HOPX: variants seen among roughly 807,000 people sequenced by gnomAD.
The protein encoded by HOPX is homeodomain-only protein.
A neutral mutation model predicts 11.8 loss-of-function variants in HOPX; 5 were observed. That is an observed-to-expected ratio of 0.43 (90% CI 0.22 to 0.89). The LOEUF is 0.89. HOPX is among the 40% of genes least tolerant of loss of function. HOPX has a pLI of 0.28. For missense variants in HOPX, 119 were observed against 120.0 expected (o/e 0.99, Z 0.04); for synonymous variants, 49 against 49.7 (o/e 0.99, Z 0.06).
rs1472011299 is a variant in HOPX at position 56,658,013 on chromosome 4, G to A, written c.-83-114C>T. On this transcript the variant is annotated intron_variant, in intron 1 of 3. Transcript: ENST00000420433. ...ACCAATTCTAGCCAAAGTTGCCCAC[G>A]GGAACCACCCACCACTGCTTGCTTC... 9 of 882,740 alleles carry A rather than the reference G, an allele frequency of 1.0e-5. 1 individual carries two copies. Among genetic ancestry groups the A allele is most frequent in the South Asian group, 7.8e-5 (4 of 51,222 alleles). 54.7% of individuals were successfully genotyped at this position (882,740 alleles called of 1,614,324 possible).
intron 3 of HOPX, chr4:56,650,579 G>T: frequency 2.3e-6 from 3 of 1,290,508 alleles, no homozygotes; most frequent in Non-Finnish European, 3.2e-6. Flanking sequence ...CCACATCAAT[G>T]CTAAGCAGGC....
chr4:56,661,402 C>T (rs1381550834), intron 1 of HOPX, among the ~76,000 whole-genome samples: 1 of 152,106 alleles, frequency 6.6e-6, no homozygotes, highest in Non-Finnish European at 1.5e-5. Context: ...TTGAACATTG[C>T]CTCTCTGAAC....
At chr4:56,656,080 C>A in intron 2 of HOPX, 68 bp from the exon 3 acceptor site, 2 of 1,379,764 alleles carry the variant, frequency 1.4e-6, no homozygotes, top group Admixed American at 3.5e-5. Context: ...CGAAGGAAGG[C>A]GGTCGCGGCG....
chr4:56,657,980 A>T, intron 1 of HOPX, 81 bp from the exon 2 acceptor site: 1 of 1,313,954 alleles, frequency 7.6e-7, no homozygotes, highest in Non-Finnish European at 1.0e-6. Context: ...AGACTGTCCT[A>T]GTAGGACACC....
chr4:56,656,215 G>A, intron 2 of HOPX: 1 of 1,131,970 alleles, frequency 8.8e-7, no homozygotes, highest in Non-Finnish European at 1.1e-6. Context: ...TCCCTGGACT[G>A]AGCGCTGTTG....
chr4:56,656,276 C>G, intron 2 of HOPX: 1 of 1,162,186 alleles, frequency 8.6e-7, no homozygotes, highest in Non-Finnish European at 1.1e-6. Flanking sequence ...CCCCCGGGAC[C>G]CCTTGCAGGA....
chr4:56,650,486 T>C, intron 3 of HOPX: 1 of 560,768 alleles, frequency 1.8e-6, no homozygotes, highest in Non-Finnish European at 3.1e-6. Flanking sequence ...AGTGTGAGAA[T>C]CACAGGGGGA....
intron 1 of HOPX, among the ~76,000 whole-genome samples, chr4:56,677,722 G>C (rs921632872): frequency 6.6e-6 from 1 of 151,516 alleles, no homozygotes; most frequent in Non-Finnish European, 1.5e-5. Context: ...CTGAGGGAGA[G>C]CTAAGGAGCC....
At chr4:56,656,162 A>G (rs2109482400) in intron 2 of HOPX, 150 bp from the exon 3 acceptor site, 1 of 1,139,480 alleles carries the variant, frequency 8.8e-7, no homozygotes, top group South Asian at 2.6e-5. Flanking sequence ...CGGTGGCTGC[A>G]CGCTGAGCGG....
At chr4:56,681,552 A>T (rs2109568326), upstream of HOPX, 1 of 1,000,190 alleles carries the variant, frequency 1.0e-6, no homozygotes. Flanking sequence ...CCTCTCTCCT[A>T]GCCAAGCAAG....
chr4:56,671,079 T>C (rs2109538965), intron 1 of HOPX, among the ~76,000 whole-genome samples: 1 of 152,146 alleles, frequency 6.6e-6, no homozygotes, highest in South Asian at 2.1e-4. Flanking sequence ...CTTTAGAACA[T>C]TAAAATGTTC....
At position 56,657,937 on chromosome 4, in the gene HOPX, A is replaced by G. The variant is rs1717869657; in HGVS notation, c.-83-38T>C. ...ATCAGGAGGGCAGTAGTCATAATGC[A>G]GGCAGGAGCTCATTGCCATTTTGAA... is the stretch of plus-strand genomic sequence containing the variant. On this transcript the variant is annotated intron_variant, in intron 1 of 3. Coordinates refer to ENST00000420433, the MANE Select transcript of HOPX (RefSeq NM_032495.6). 8.5e-6 allele frequency: 13 copies of G among 1,536,914 alleles called. No individual in the cohort carries two copies. The South Asian group carries it at 1.4e-4, about 17-fold the overall frequency.
chr4:56,658,237 T>C (rs1717895592), intron 1 of HOPX, among the ~76,000 whole-genome samples: 1 of 152,250 alleles, frequency 6.6e-6, no homozygotes, highest in Non-Finnish European at 1.5e-5. Context: ...CCCTCTTTTT[T>C]GGTTATTTAA....
In HOPX at chr4:56,648,674, CAG is replaced by C. The variant is rs567782579; in HGVS notation, c.*44_*45del. 8.4e-4 allele frequency: 1,178 copies of C among 1,397,590 alleles called. 2 individuals carry two copies. The highest frequency in any genetic ancestry group is 2.7e-3 in the Middle Eastern group (14 of 5,266). 86.6% of individuals were successfully genotyped at this position (1,397,590 alleles called of 1,614,324 possible). Reference sequence around the variant, plus strand: ...AGCTTGGTTAAGCGGAGGAGAGAAACAGAGATGGCCTTCATGGAGTGAAGCTG... The same window carrying C: ...AGCTTGGTTAAGCGGAGGAGAGAAACAGATGGCCTTCATGGAGTGAAGCTG... On this transcript the variant is annotated 3_prime_UTR_variant, in exon 4 of 4. Coordinates refer to ENST00000420433, the MANE Select transcript of HOPX (RefSeq NM_032495.6).
At chr4:56,658,646 G>A (rs192401760) in intron 1 of HOPX, among the ~76,000 whole-genome samples, 1 of 152,282 alleles carries the variant, frequency 6.6e-6, no homozygotes, top group Admixed American at 6.5e-5. Context: ...AACTGCCTGG[G>A]TAACCTTGGC....
At chr4:56,664,922 G>A (rs763328489) in intron 1 of HOPX, 1 of 152,096 alleles carries the variant, frequency 6.6e-6, no homozygotes, top group Non-Finnish European at 1.5e-5. Context: ...TTTTGAGATT[G>A]TCATGGCCTA....
intron 2 of HOPX, 102 bp from the exon 3 acceptor site, chr4:56,656,114 G>T: frequency 7.8e-7 from 1 of 1,289,190 alleles, no homozygotes; most frequent in Non-Finnish European, 9.9e-7. Context: ...CCAGCCCCAG[G>T]CCGCCCCCTC....
intron 1 of HOPX, among the ~76,000 whole-genome samples, chr4:56,670,389 G>A (rs1718671944): frequency 6.6e-6 from 1 of 152,112 alleles, no homozygotes; most frequent in Non-Finnish European, 1.5e-5. Context: ...TTTCTAAAGA[G>A]AACCTTTAAA....
chr4:56,651,799 T>C (rs1240769369), intron 3 of HOPX, among the ~76,000 whole-genome samples: 4 of 151,484 alleles, frequency 2.6e-5, no homozygotes, highest in Non-Finnish European at 5.9e-5. Context: ...CTTGGAGACC[T>C]CCCTAAGAAC....
Sources: allele counts gnomAD v4.1 joint callset (sites outside exome capture counted in the v4.1 genomes callset), GRCh38; gene constraint gnomAD v4.1.1; transcripts MANE v1.5; gene names NCBI Gene and HGNC (gene_info 2026-07-23, HGNC 2026-07-21).